The following EP400 variants were observed in gnomAD, a reference collection of about 807,000 sequenced individuals.
The protein encoded by EP400 is E1A binding protein p400, also known as E1A-binding protein p400.
EP400 carries 105 observed loss-of-function variants against 354.1 expected under a neutral mutation model. That is an observed-to-expected ratio of 0.30 (90% CI 0.25 to 0.35). The LOEUF (loss-of-function observed/expected upper bound fraction) is 0.35, where lower values mean the gene tolerates loss of function less well. EP400 is among the 10% of genes least tolerant of loss of function. The pLI, the probability that EP400 is intolerant of heterozygous loss-of-function variation, is 1.00. For synonymous variants in EP400, 1,646 were observed against 1,716.9 expected, an observed-to-expected ratio of 0.96 and a Z score of 1.02; for missense variants, 3,280 against 4,121.0, an observed-to-expected ratio of 0.80 and a Z score of 5.59.
intron 9 of EP400, 110 bp from the exon 10 acceptor site, chr12:131,991,297 T>G: frequency 9.5e-7 from 1 of 1,050,326 alleles, no homozygotes; most frequent in Non-Finnish European, 1.5e-6. Context: ...TCACGCGTCC[T>G]TCCTTTCCCT....
In EP400 at chr12:132,050,843, G is replaced by T; in HGVS notation, c.7394+188G>T. On this transcript the variant is annotated intron_variant, in intron 41 of 52. Transcript: ENST00000389561. The surrounding 1 kb of genome is among the most constrained non-coding windows in gnomAD (Gnocchi z 4.8). ...CGTGGGCTAGGGTATGCATAGGACG[G>T]CCCCTGCCCTGTCTCTGTGTTACAG... The T allele has an allele frequency of 1.5e-6, 1 of 654,278 alleles. No homozygotes were observed. The allele number at this position is 654,278 out of a possible 1,614,324, so 40.5% of individuals were successfully genotyped here.
chr12:131,957,381 C>T (rs186250668), intron 1 of EP400, among the ~76,000 whole-genome samples: 9 of 151,218 alleles, frequency 6.0e-5, no homozygotes, highest in Admixed American at 4.6e-4. Context: ...TTTTCAGTTA[C>T]AACTTTATTA....
chr12:131,992,563 A>G (rs1412903993), intron 11 of EP400, among the ~76,000 whole-genome samples: 2 of 152,190 alleles, frequency 1.3e-5, no homozygotes, highest in Non-Finnish European at 2.9e-5. Context: ...TGGTAGACCC[A>G]TGGTTGCCAG....
chr12:131,999,435 T>C (rs1412732873), intron 12 of EP400, among the ~76,000 whole-genome samples: 1 of 152,178 alleles, frequency 6.6e-6, no homozygotes, highest in Admixed American at 6.5e-5. Context: ...TGTAGGTGGG[T>C]ATTGCATGCT....
chr12:132,066,299 T>TA (rs1410978452), intron 48 of EP400: 3 of 169,074 alleles, frequency 1.8e-5, no homozygotes, highest in Non-Finnish European at 3.8e-5. Context: ...TCTCTATACA[T>TA]ACAAAAATGG....
chr12:131,986,744 T>C lies in EP400; in HGVS notation c.2160T>C (p.Pro720=). The change falls in exon 6 of 53, where the codon CCT becomes CCC. Residue 720 remains proline, a synonymous_variant. Coordinates refer to ENST00000389561, the MANE Select transcript of EP400 (RefSeq NM_015409.5). The stretch of plus-strand genomic sequence containing the variant: ...CTGCCCCCACCAAACCACAGAGTCC[T>C]GCTCAGAATGCCACCTCGTCCCAAG... The part of the protein sequence containing the change: ...VASAPTKPQS[P]AQNATSSQDS... 1 of 1,614,208 alleles carries C rather than the reference T, an allele frequency of 6.2e-7. No homozygotes were observed. Among genetic ancestry groups the C allele is most frequent in the East Asian group, 2.2e-5 (1 of 44,874 alleles).
At chr12:132,006,561 C>T in intron 14 of EP400, 139 bp from the exon 15 acceptor site, 1 of 987,848 alleles carries the variant, frequency 1.0e-6, no homozygotes, top group Admixed American at 3.1e-5. Flanking sequence ...AGAAGCAATT[C>T]TTCCTCTTCC....
Position 131,982,393 on chromosome 12 carries a change from C to T in EP400, c.1844C>T (p.Pro615Leu), listed in dbSNP as rs2136492330. Residue 615 changes from proline (P) to leucine (L), a missense_variant, in exon 5 of 53, where the codon CCC becomes CTC. This residue lies in a region of EP400 where 800 missense variants were observed against 840.0 expected (regional missense o/e 0.95). Coordinates refer to ENST00000389561, the MANE Select transcript of EP400 (RefSeq NM_015409.5). ...APPSSQLPIP[P>L]SQPAQLALHV... ...CCCAGCAGCCAACTCCCCATCCCTC[C>T]CTCGCAGCCTGCACAGCTGGCCCTC... The T allele has an allele frequency of 1.9e-6, 3 of 1,614,222 alleles. No individual in the cohort carries two copies. The South Asian group carries it at 3.3e-5, about 18-fold the overall frequency.
At position 131,981,462 on chromosome 12, in the gene EP400, C is replaced by T. The variant is rs568259274; in HGVS notation, c.1436-27C>T. ...TCTCTGGTTTTATTTTTACATCAAACTGCACCTTTTTTGAAAATTATTCTA... is the reference window on the plus strand; with the variant it reads ...TCTCTGGTTTTATTTTTACATCAAATTGCACCTTTTTTGAAAATTATTCTA... On this transcript the variant is annotated intron_variant, in intron 3 of 52. Coordinates refer to ENST00000389561, the MANE Select transcript of EP400 (RefSeq NM_015409.5). 11 of 1,517,374 alleles carry T rather than the reference C, an allele frequency of 7.2e-6. No individual in the cohort carries two copies. The Admixed American group carries it at 1.9e-4, about 26-fold the overall frequency. 94.0% of individuals were successfully genotyped at this position (1,517,374 alleles called of 1,614,324 possible).
At chr12:132,051,187 T>G (rs748361748) in intron 41 of EP400, among the ~76,000 whole-genome samples, 8 of 152,224 alleles carry the variant, frequency 5.3e-5, no homozygotes, top group Non-Finnish European at 1.2e-4. Flanking sequence ...CGTTTCTGAC[T>G]GTCGGACTCT....
intron 27 of EP400, 94 bp downstream of exon 27, chr12:132,028,382 A>G: frequency 6.1e-6 from 9 of 1,482,552 alleles, no homozygotes; most frequent in East Asian, 2.3e-5. Context: ...TCTTACTCCC[A>G]TCGGCTTCTC....
chr12:132,023,766 C>T lies in EP400; in HGVS notation c.4691-11C>T, dbSNP rs1322971612. The T allele has an allele frequency of 6.8e-6, 11 of 1,610,846 alleles. No individual in the cohort carries two copies. The highest frequency in any genetic ancestry group is 1.3e-5 in the African/African-American group (1 of 74,606). ...TGATCTGAATTCACCTTTTCCTCTA[C>T]GTTTCAACAGGTGGAGAGGTAGTGA... On this transcript the variant is annotated splice_polypyrimidine_tract_variant and intron_variant, in intron 23 of 52. Transcript: ENST00000389561.
In EP400 at chr12:132,080,341, G is replaced by A. The variant is rs1896341631; in HGVS notation, c.*2668G>A. 6.6e-6 allele frequency: 1 copy of A among 152,542 alleles called. No individual in the cohort carries two copies. The highest frequency in any genetic ancestry group is 2.4e-5 in the African/African-American group (1 of 41,408). 9.4% of individuals were successfully genotyped at this position (152,542 alleles called of 1,614,324 possible). A position where few individuals can be genotyped will look rare whatever the true frequency, so the allele number is the denominator to read the frequency against. Reference sequence around the variant, plus strand: ...AGCTGTTGTGTTTTAAGATAGAAAGGAACAAGACTAAAATTGTAAATACTT... The same window carrying A: ...AGCTGTTGTGTTTTAAGATAGAAAGAAACAAGACTAAAATTGTAAATACTT... On this transcript the variant is annotated 3_prime_UTR_variant, in exon 53 of 53. Transcript: ENST00000389561.
chr12:132,062,445 A>G (rs1895727386), intron 46 of EP400, 21 bp from the exon 47 acceptor site: 1 of 1,612,750 alleles, frequency 6.2e-7, no homozygotes, highest in Admixed American at 1.7e-5. Context: ...GTCCAGACCT[A>G]ATGAGCAAAC....
chr12:132,006,187 A>T lies in EP400; in HGVS notation c.3011A>T (p.Gln1004Leu), dbSNP rs1893574745. The T allele has an allele frequency of 6.2e-7, 1 of 1,614,106 alleles. No individual in the cohort carries two copies. The highest frequency in any genetic ancestry group is 8.5e-7 in the Non-Finnish European group (1 of 1,180,054). ...VLIDSLFIMD[Q>L]FKAAERMNIG... ...ATCGACTCGCTTTTCATCATGGATC[A>T]GTTCAAAGCTGCCGAGAGGATGAAT... Residue 1004 changes from glutamine (Q) to leucine (L), a missense_variant, in exon 14 of 53, where the codon CAG becomes CTG. Physicochemically the swap from Gln to Leu is moderately radical, Grantham distance 113. Coordinates refer to ENST00000389561, the MANE Select transcript of EP400 (RefSeq NM_015409.5).
At chr12:132,072,084 C>T (rs754841394) in intron 51 of EP400, among the ~76,000 whole-genome samples, 3 of 152,186 alleles carry the variant, frequency 2.0e-5, no homozygotes, top group Non-Finnish European at 4.4e-5. Flanking sequence ...TGTGACCTCA[C>T]GGCATCGGGG....
Position 132,027,982 on chromosome 12 carries a change from CTCAAGTAACTGTTTT to C in EP400, c.5110-31_5110-17del, listed in dbSNP as rs763083742. On this transcript the variant is annotated intron_variant, in intron 26 of 52. Transcript: ENST00000389561. The surrounding 1 kb of genome is among the most constrained non-coding windows in gnomAD (Gnocchi z 4.9). Reference sequence around the variant, plus strand: ...AAGACAGGAACTTGTCATTCTGTTTCTCAAGTAACTGTTTTTCATCACTTTTTGATAAAGGAGGAA... The same window carrying C: ...AAGACAGGAACTTGTCATTCTGTTTCTCATCACTTTTTGATAAAGGAGGAA... 3 of 1,600,236 alleles carry C rather than the reference CTCAAGTAACTGTTTT, an allele frequency of 1.9e-6. No homozygotes were observed. In the African/African-American group the frequency reaches 4.0e-5, roughly 21 times the overall value.
chr12:132,076,361 C>T, intron 51 of EP400, 155 bp from the exon 52 acceptor site: 1 of 759,572 alleles, frequency 1.3e-6, no homozygotes, highest in Non-Finnish European at 2.3e-6. Flanking sequence ...CTTGCTCTCT[C>T]ACTGCTGCAG....
intron 32 of EP400, among the ~76,000 whole-genome samples, chr12:132,039,680 G>A (rs1389811297): frequency 6.6e-6 from 1 of 152,232 alleles, no homozygotes; most frequent in African/African-American, 2.4e-5. Flanking sequence ...AGGAGGTATG[G>A]ATCAACCTCA....
Sources: gnomAD v4.1 joint callset for allele counts (sites outside exome capture counted in the v4.1 genomes callset) on GRCh38, gnomAD v4.1.1 for gene constraint, gnomAD v4.1.1 regional missense constraint, Gnocchi (gnomAD v3.1) non-coding constraint, MANE v1.5 for transcripts, NCBI Gene and HGNC (gene_info 2026-07-23, HGNC 2026-07-21) for gene names.